SLC22A25: variants seen among roughly 807,000 people sequenced by gnomAD.
SLC22A25 encodes MGI:2442751, MGI:2385316, MGI:3042283, MGI:3645714, MGI:3605624, MGI:2442750.
In SLC22A25, 44 loss-of-function variants were observed where a neutral mutation model predicts 45.9. That is an observed-to-expected ratio of 0.96 (90% CI 0.75 to 1.23). SLC22A25 has a LOEUF of 1.23. Among genes scored for constraint, SLC22A25 ranks in the 50% most tolerant of loss-of-function variants. The probability of loss-of-function intolerance (pLI) is 0.00; values close to 1 mark genes in which losing one functional copy is unlikely to be tolerated. For missense variants in SLC22A25, 800 were observed against 666.4 expected, an observed-to-expected ratio of 1.20 and a Z score of -2.21; for synonymous variants, 283 against 238.6, an observed-to-expected ratio of 1.19 and a Z score of -1.72.
intron 5 of SLC22A25, among the ~76,000 whole-genome samples, chr11:63,227,714 G>T (rs187405169): frequency 2.9e-4 from 44 of 152,314 alleles, no homozygotes; most frequent in Admixed American, 2.5e-3. Context: ...CCCAGCAGTA[G>T]AACTTGCCTA....
chr11:63,234,908 G>T (rs1004852215), intron 3 of SLC22A25, among the ~76,000 whole-genome samples: 2 of 152,130 alleles, frequency 1.3e-5, no homozygotes, highest in Non-Finnish European at 2.9e-5. Context: ...GCTTAGTTTG[G>T]CTGGATATGA....
At chr11:63,165,641 T>C (rs1055744453) in intron 10 of SLC22A25, among the ~76,000 whole-genome samples, 1 of 152,300 alleles carries the variant, frequency 6.6e-6, no homozygotes, top group East Asian at 1.9e-4. Flanking sequence ...ACAGAAGCTG[T>C]AGTGGTAAGA....
intron 3 of SLC22A25, among the ~76,000 whole-genome samples, chr11:63,232,974 G>C (rs971427169): frequency 6.6e-6 from 1 of 152,162 alleles, no homozygotes; most frequent in African/African-American, 2.4e-5. Flanking sequence ...TTGCATCCCA[G>C]GGATGAAGCC....
chr11:63,233,986 C>A (rs1417460516), intron 3 of SLC22A25, among the ~76,000 whole-genome samples: 3 of 152,228 alleles, frequency 2.0e-5, no homozygotes, highest in Non-Finnish European at 4.4e-5. Context: ...TTTGATTGCA[C>A]TGTGGCCTGA....
At chr11:63,205,555 TGAAATG>T (rs1449980793) in intron 7 of SLC22A25, among the ~76,000 whole-genome samples, 1 of 152,030 alleles carries the variant, frequency 6.6e-6, no homozygotes, top group Non-Finnish European at 1.5e-5. Flanking sequence ...AAAATCTAGA[TGAAATG>T]GATAAATTCC....
intron 9 of SLC22A25, among the ~76,000 whole-genome samples, chr11:63,173,889 ATTTTC>A (rs2087983922): frequency 7.6e-6 from 1 of 131,884 alleles, no homozygotes; most frequent in African/African-American, 3.0e-5. Flanking sequence ...TCAAGGTTGG[ATTTTC>A]TTTTCTTTTT....
intron 3 of SLC22A25, among the ~76,000 whole-genome samples, chr11:63,231,733 C>T (rs1214115694): frequency 6.6e-6 from 1 of 152,136 alleles, no homozygotes; most frequent in African/African-American, 2.4e-5. Context: ...ATGGTATTGC[C>T]TAGTTTTTCT....
chr11:63,240,332 A>G (rs1332667799), intron 1 of SLC22A25, among the ~76,000 whole-genome samples: 2 of 152,194 alleles, frequency 1.3e-5, no homozygotes, highest in African/African-American at 4.8e-5. Flanking sequence ...GAAGTTAGTC[A>G]TTTTCATTAG....
In SLC22A25 at chr11:63,162,049, G is replaced by C. The variant is rs12576004; in HGVS notation, c.*1775C>G. On this transcript the variant is annotated 3_prime_UTR_variant, in exon 12 of 12. Transcript: ENST00000306494. Reference sequence around the variant, plus strand: ...ATGTTCAGCACTTTTTCCTATGACTGTTTGACATCTGTATGTCTTCTTTTG... The same window carrying C: ...ATGTTCAGCACTTTTTCCTATGACTCTTTGACATCTGTATGTCTTCTTTTG... Among the ~76,000 whole-genome samples the C allele has an allele frequency of 6.2e-4, 94 of 152,234 alleles. 2 individuals are homozygous for C. In the East Asian group the frequency reaches 0.011, roughly 18 times the overall value.
intron 8 of SLC22A25, 56 bp from the exon 9 acceptor site, chr11:63,180,831 G>A (rs1321605540): frequency 7.8e-7 from 1 of 1,276,746 alleles, no homozygotes; most frequent in Non-Finnish European, 1.1e-6. Flanking sequence ...GGTAGGCATT[G>A]TAAGAGGACT....
chr11:63,229,741 A>C lies in SLC22A25; in HGVS notation c.-89T>G. 1 of 1,356,044 alleles carries C rather than the reference A, an allele frequency of 7.4e-7. No individual in the cohort carries two copies. The highest frequency in any genetic ancestry group is 1.4e-5 in the South Asian group (1 of 69,590). 84.0% of individuals were successfully genotyped at this position (1,356,044 alleles called of 1,614,324 possible). The stretch of plus-strand genomic sequence containing the variant: ...AAAATATTTCCTTTCCTTAAATCAC[A>C]CTAAGTGTGTGTGTTGATCCTGACC... On this transcript the variant is annotated 5_prime_UTR_variant, in exon 4 of 12. Transcript: ENST00000306494.
intron 9 of SLC22A25, chr11:63,167,025 C>T (rs775374781): frequency 1.5e-4 from 32 of 220,288 alleles, no homozygotes; most frequent in Middle Eastern, 2.4e-3. Flanking sequence ...GTGCAGCCCA[C>T]GGAGGGTAAG....
Position 63,164,061 on chromosome 11 carries a change from A to G in SLC22A25, c.1407T>C (p.Thr469=). ...TATTAGCAAAGTTTCCAGTGATTCC[A>G]GTAGCTCTTCCCCTTGGAGTAAAAA... ...LIPSIIRGRA[T]GITGNFANIG... is the part of the protein sequence containing the mutation. Residue 469 remains threonine, a synonymous_variant, in exon 12 of 12, where the codon ACT becomes ACC. Transcript: ENST00000306494. 1.3e-6 allele frequency: 2 copies of G among 1,598,810 alleles called. No individual in the cohort carries two copies. Among genetic ancestry groups the G allele is most frequent in the Non-Finnish European group, 1.7e-6 (2 of 1,172,362 alleles).
chr11:63,203,018 G>A (rs946511655), intron 7 of SLC22A25, among the ~76,000 whole-genome samples: 2 of 152,204 alleles, frequency 1.3e-5, no homozygotes, highest in Non-Finnish European at 2.9e-5. Context: ...GGGAAACAGG[G>A]TCTGGAGTGG....
intron 8 of SLC22A25, among the ~76,000 whole-genome samples, 160 bp from the exon 9 acceptor site, chr11:63,180,935 T>A (rs1181146773): frequency 1.3e-5 from 2 of 152,120 alleles, no homozygotes; most frequent in African/African-American, 4.8e-5. Flanking sequence ...AAAAGTGGTA[T>A]GGAAGTTAGA....
At chr11:63,234,621 C>G (rs2090131125) in intron 3 of SLC22A25, among the ~76,000 whole-genome samples, 1 of 152,176 alleles carries the variant, frequency 6.6e-6, no homozygotes, top group African/African-American at 2.4e-5. Context: ...TCAATTGGAG[C>G]ATTTAGCCCA....
At chr11:63,175,271 C>G (rs2088044474) in intron 9 of SLC22A25, among the ~76,000 whole-genome samples, 1 of 152,056 alleles carries the variant, frequency 6.6e-6, no homozygotes, top group African/African-American at 2.4e-5. Flanking sequence ...CAGTTATTAT[C>G]TCTTATTTAT....
At chr11:63,166,510 T>G in intron 9 of SLC22A25, 1 of 1,212,822 alleles carries the variant, frequency 8.2e-7, no homozygotes, top group South Asian at 2.9e-5. Flanking sequence ...TATTTATTTA[T>G]TTTAAAAGCA....
chr11:63,232,026 G>T (rs1271772986), intron 3 of SLC22A25, among the ~76,000 whole-genome samples: 4 of 152,298 alleles, frequency 2.6e-5, no homozygotes, highest in East Asian at 3.9e-4. Context: ...TGCTGTTTTG[G>T]TTACTGTAGC....
Sources: allele counts gnomAD v4.1 joint callset (sites outside exome capture counted in the v4.1 genomes callset), GRCh38; gene constraint gnomAD v4.1.1; transcripts MANE v1.5; gene names NCBI Gene and HGNC (gene_info 2026-07-23, HGNC 2026-07-21).